SLC8A3: variants seen among roughly 807,000 people sequenced by gnomAD.
The protein encoded by SLC8A3 is solute carrier family 8 member A3.
SLC8A3 carries 37 observed loss-of-function variants against 65.4 expected under a neutral mutation model. The observed-to-expected ratio is 0.57, with a 90% CI of 0.44 to 0.74. SLC8A3 has a LOEUF of 0.74. SLC8A3 is among the 30% of genes least tolerant of loss of function. The probability of loss-of-function intolerance (pLI) is 0.00; values close to 1 mark genes in which losing one functional copy is unlikely to be tolerated. For missense variants in SLC8A3, 1,112 were observed against 1,172.1 expected (o/e 0.95, Z 0.75); for synonymous variants, 461 against 444.5 (o/e 1.04, Z -0.47).
chr14:70,168,084 T>A lies in SLC8A3; in HGVS notation c.339A>T (p.Thr113=), dbSNP rs17765575. The change falls in exon 2 of 7, where the codon ACA becomes ACT. Residue 113 remains threonine (T), a synonymous_variant. Transcript: ENST00000356921. ...TGGTTTCTCCATTGGGTTTCTTAAT[T>A]GTCACCTCCCTCTCTTGAGAGGTGA... is the stretch of plus-strand genomic sequence containing the variant. ...EVITSQEREV[T]IKKPNGETST... is the part of the protein sequence containing the mutation. 10 of 1,613,988 alleles carry A rather than the reference T, an allele frequency of 6.2e-6. 1 individual carries two copies. In the South Asian group the frequency reaches 9.9e-5, roughly 16 times the overall value.
intron 2 of SLC8A3, among the ~76,000 whole-genome samples, chr14:70,130,025 C>T (rs897427163): frequency 3.3e-5 from 5 of 152,230 alleles, no homozygotes; most frequent in Non-Finnish European, 5.9e-5. Flanking sequence ...ATTTCCTCCT[C>T]TAGCTGTCCA....
At chr14:70,053,801 C>G (rs1178361853) in intron 3 of SLC8A3, among the ~76,000 whole-genome samples, 1 of 152,218 alleles carries the variant, frequency 6.6e-6, no homozygotes, top group South Asian at 2.1e-4. Context: ...CCCACAGAGG[C>G]TCTCTGTATA....
chr14:70,147,134 G>A (rs1895977502), intron 2 of SLC8A3, among the ~76,000 whole-genome samples: 1 of 152,170 alleles, frequency 6.6e-6, no homozygotes, highest in Admixed American at 6.5e-5. Flanking sequence ...GATTTGGGCT[G>A]CTTGGAAAGG....
At chr14:70,072,595 GTCCA>G (rs36178413) in intron 2 of SLC8A3, among the ~76,000 whole-genome samples, 94,505 of 149,616 alleles carry the variant, frequency 0.63, 29,794 homozygotes, top group Middle Eastern at 0.67. Context: ...CTATCTATCC[GTCCA>G]TCCATCCATC....
chr14:70,077,503 G>A (rs1283145044), intron 2 of SLC8A3, among the ~76,000 whole-genome samples: 1 of 152,046 alleles, frequency 6.6e-6, no homozygotes, highest in African/African-American at 2.4e-5. Context: ...GGGCTTCCAG[G>A]GTCCTGTTTT....
At chr14:70,143,892 T>C (rs900026408) in intron 2 of SLC8A3, among the ~76,000 whole-genome samples, 1 of 152,158 alleles carries the variant, frequency 6.6e-6, no homozygotes, top group South Asian at 2.1e-4. Context: ...CCTCACTGCT[T>C]ACTTATCCTC....
chr14:70,086,252 T>C (rs972875652), intron 2 of SLC8A3, among the ~76,000 whole-genome samples: 18 of 152,156 alleles, frequency 1.2e-4, no homozygotes, highest in Admixed American at 9.8e-4. Context: ...ATAAGAGAGA[T>C]TCAGTAAAAT....
At chr14:70,137,440 G>A (rs1422446554) in intron 2 of SLC8A3, among the ~76,000 whole-genome samples, 2 of 152,282 alleles carry the variant, frequency 1.3e-5, no homozygotes, top group South Asian at 2.1e-4. Flanking sequence ...ACCGTGCCAA[G>A]CCTATCAAAT....
chr14:70,126,546 A>AGCC (rs1894451666), intron 2 of SLC8A3, among the ~76,000 whole-genome samples: 1 of 57,138 alleles, frequency 1.8e-5, no homozygotes, highest in African/African-American at 5.1e-5. Flanking sequence ...AAGAAAGAAA[A>AGCC]TTCTCTCTCT....
At chr14:70,129,421 A>G (rs1301730157) in intron 2 of SLC8A3, among the ~76,000 whole-genome samples, 2 of 152,156 alleles carry the variant, frequency 1.3e-5, no homozygotes, top group Non-Finnish European at 1.5e-5. Flanking sequence ...AGTTTTATAT[A>G]TATTATCACA....
chr14:70,090,934 T>C (rs531114831), intron 2 of SLC8A3, among the ~76,000 whole-genome samples: 22 of 152,182 alleles, frequency 1.4e-4, no homozygotes, highest in Non-Finnish European at 3.1e-4. Context: ...TGTATATAAT[T>C]TCAGGGGGTT....
At chr14:70,128,151 A>G (rs529725394) in intron 2 of SLC8A3, among the ~76,000 whole-genome samples, 4 of 152,302 alleles carry the variant, frequency 2.6e-5, no homozygotes, top group African/African-American at 9.6e-5. Context: ...GCAGTCATTC[A>G]TCTTTGACCC....
chr14:70,150,477 G>A (rs1188538990), intron 2 of SLC8A3, among the ~76,000 whole-genome samples: 4 of 152,122 alleles, frequency 2.6e-5, no homozygotes, highest in Admixed American at 6.5e-5. Context: ...GCAATGATGA[G>A]GCAAACTTCT....
intron 2 of SLC8A3, among the ~76,000 whole-genome samples, chr14:70,156,071 G>C (rs1358591819): frequency 6.6e-6 from 1 of 152,194 alleles, no homozygotes; most frequent in African/African-American, 2.4e-5. Context: ...GGGTTCCACA[G>C]GGAGGGGCAG....
At chr14:70,113,240 A>G (rs1893429655) in intron 2 of SLC8A3, among the ~76,000 whole-genome samples, 1 of 152,126 alleles carries the variant, frequency 6.6e-6, no homozygotes, top group Non-Finnish European at 1.5e-5. Flanking sequence ...CCTACTACAC[A>G]CCTAGGCTGT....
chr14:70,119,266 C>A (rs1893874950), intron 2 of SLC8A3, among the ~76,000 whole-genome samples: 1 of 152,112 alleles, frequency 6.6e-6, no homozygotes, highest in Non-Finnish European at 1.5e-5. Flanking sequence ...CAATCTGAGG[C>A]CTTGGTGGGA....
intron 2 of SLC8A3, among the ~76,000 whole-genome samples, chr14:70,101,938 A>C (rs1198992073): frequency 6.6e-6 from 1 of 152,214 alleles, no homozygotes; most frequent in African/African-American, 2.4e-5. Context: ...AGTGAAATTC[A>C]CAAGATAGGG....
At chr14:70,109,166 CT>C in intron 2 of SLC8A3, among the ~76,000 whole-genome samples, 1 of 146,362 alleles carries the variant, frequency 6.8e-6, no homozygotes, top group East Asian at 2.0e-4. Context: ...ATCCTAATCA[CT>C]TAGCACAGTT....
chr14:70,151,831 T>C (rs965845481), intron 2 of SLC8A3, among the ~76,000 whole-genome samples: 1 of 152,144 alleles, frequency 6.6e-6, no homozygotes, highest in Non-Finnish European at 1.5e-5. Context: ...TTGGAGTTCC[T>C]TGGGTGCCTC....
Sources: gnomAD v4.1 joint callset for allele counts (sites outside exome capture counted in the v4.1 genomes callset) on GRCh38, gnomAD v4.1.1 for gene constraint, MANE v1.5 for transcripts, NCBI Gene and HGNC (gene_info 2026-07-23, HGNC 2026-07-21) for gene names.